PPP2R5E: variants seen among roughly 807,000 people sequenced by gnomAD.
PPP2R5E encodes protein phosphatase 2 regulatory subunit B'epsilon, also known as serine/threonine-protein phosphatase 2A 56 kDa regulatory subunit epsilon isoform.
Under a neutral mutation model 65.3 loss-of-function variants are expected in PPP2R5E, and 4 were observed. The ratio of observed to expected loss-of-function variants is 0.06; its 90% CI spans 0.03 to 0.14. PPP2R5E has a LOEUF of 0.14. Among genes scored for constraint, PPP2R5E ranks in the 10% least tolerant of loss-of-function variants. The probability of loss-of-function intolerance (pLI) is 1.00; values close to 1 mark genes in which losing one functional copy is unlikely to be tolerated. For synonymous variants in PPP2R5E, 183 were observed against 187.4 expected, an observed-to-expected ratio of 0.98 and a Z score of 0.19; for missense variants, 274 against 556.1, an observed-to-expected ratio of 0.49 and a Z score of 5.10.
intron 2 of PPP2R5E, among the ~76,000 whole-genome samples, chr14:63,522,704 T>C (rs1307611546): frequency 6.1e-5 from 9 of 148,006 alleles, no homozygotes; most frequent in Non-Finnish European, 1.0e-4. Context: ...GGAGCGTCTC[T>C]GCCCGGCCGC....
At chr14:63,495,663 C>CT (rs563684939) in intron 2 of PPP2R5E, among the ~76,000 whole-genome samples, 2,212 of 150,552 alleles carry the variant, frequency 0.015, 52 homozygotes, top group South Asian at 0.071. Context: ...AATTTCTTTT[C>CT]TTTTTTTTTG....
chr14:63,542,075 C>T (rs1893924905), intron 1 of PPP2R5E, among the ~76,000 whole-genome samples: 1 of 152,296 alleles, frequency 6.6e-6, no homozygotes, highest in East Asian at 1.9e-4. Flanking sequence ...AAATCCTCTT[C>T]CTCCATCACT....
chr14:63,414,369 C>T (rs1192217720), intron 5 of PPP2R5E, among the ~76,000 whole-genome samples: 1 of 152,128 alleles, frequency 6.6e-6, no homozygotes, highest in Non-Finnish European at 1.5e-5. Context: ...ATTCTTCTTA[C>T]CGGCTTACTA....
intron 2 of PPP2R5E, among the ~76,000 whole-genome samples, chr14:63,516,779 G>C (rs546887966): frequency 9.2e-5 from 14 of 152,170 alleles, no homozygotes; most frequent in Non-Finnish European, 1.9e-4. Flanking sequence ...ATCTGTCATA[G>C]AGCAAAGCAG....
chr14:63,458,367 A>G (rs772440939), intron 2 of PPP2R5E, among the ~76,000 whole-genome samples: 3 of 152,196 alleles, frequency 2.0e-5, no homozygotes, highest in Non-Finnish European at 4.4e-5. Flanking sequence ...CATGGATCCA[A>G]TATCACCTCA....
intron 2 of PPP2R5E, among the ~76,000 whole-genome samples, chr14:63,474,540 G>A (rs1007282088): frequency 2.2e-4 from 33 of 151,974 alleles, no homozygotes; most frequent in Admixed American, 1.2e-3. Context: ...GGGCGCAGTG[G>A]TGTGCTCCTA....
intron 2 of PPP2R5E, among the ~76,000 whole-genome samples, chr14:63,498,610 C>T (rs1314126085): frequency 2.0e-5 from 3 of 151,734 alleles, no homozygotes; most frequent in East Asian, 3.9e-4. Context: ...CAGGCTGGAG[C>T]GAGATGGCAC....
At chr14:63,435,646 C>A (rs1887917629) in intron 3 of PPP2R5E, among the ~76,000 whole-genome samples, 1 of 152,166 alleles carries the variant, frequency 6.6e-6, no homozygotes, top group Non-Finnish European at 1.5e-5. Context: ...GCTTAATTTG[C>A]CACACCCTCT....
At chr14:63,469,648 C>G (rs1261501799) in intron 2 of PPP2R5E, among the ~76,000 whole-genome samples, 3 of 152,242 alleles carry the variant, frequency 2.0e-5, no homozygotes, top group Admixed American at 2.0e-4. Flanking sequence ...GAGCCGAGAT[C>G]GTGCCACTGC....
intron 3 of PPP2R5E, among the ~76,000 whole-genome samples, chr14:63,442,764 C>T (rs1472092876): frequency 1.3e-5 from 2 of 152,178 alleles, no homozygotes; most frequent in African/African-American, 2.4e-5. Context: ...GGATTCAGTA[C>T]TATCCACAGT....
At chr14:63,478,990 A>G (rs1890556169) in intron 2 of PPP2R5E, among the ~76,000 whole-genome samples, 1 of 152,052 alleles carries the variant, frequency 6.6e-6, no homozygotes, top group Non-Finnish European at 1.5e-5. Context: ...TTAGCCAGGT[A>G]TGGTGGTGGA....
intron 5 of PPP2R5E, among the ~76,000 whole-genome samples, chr14:63,412,353 C>T (rs927808500): frequency 6.6e-6 from 1 of 152,214 alleles, no homozygotes; most frequent in African/African-American, 2.4e-5. Context: ...AGAAGCTTAA[C>T]ATAAGTTGGC....
At chr14:63,541,427 C>G (rs1393142087) in intron 1 of PPP2R5E, among the ~76,000 whole-genome samples, 1 of 152,180 alleles carries the variant, frequency 6.6e-6, no homozygotes, top group Non-Finnish European at 1.5e-5. Context: ...CTGAATAGCA[C>G]TTTTGAATTG....
intron 3 of PPP2R5E, 22 bp downstream of exon 3, chr14:63,453,667 G>A (rs767008094): frequency 1.5e-5 from 24 of 1,606,922 alleles, no homozygotes; most frequent in South Asian, 2.2e-5. Context: ...AAAAGTGTCC[G>A]CGGAGAAAAA....
At chr14:63,416,100 C>CA (rs1886669903) in intron 4 of PPP2R5E, among the ~76,000 whole-genome samples, 3 of 152,188 alleles carry the variant, frequency 2.0e-5, no homozygotes, top group Non-Finnish European at 4.4e-5. Flanking sequence ...ATTCTCTTTG[C>CA]ATAATAAGCC....
intron 2 of PPP2R5E, among the ~76,000 whole-genome samples, chr14:63,534,683 A>G (rs1893595054): frequency 6.6e-6 from 1 of 152,150 alleles, no homozygotes. Flanking sequence ...ACAGTGGAAC[A>G]ATCACAGCTC....
chr14:63,413,697 A>T (rs1187424804), intron 5 of PPP2R5E, among the ~76,000 whole-genome samples: 1 of 152,114 alleles, frequency 6.6e-6, no homozygotes, highest in African/African-American at 2.4e-5. Context: ...TCTACTATGT[A>T]TCACTTACAT....
chr14:63,484,347 T>TCA (rs199749451), intron 2 of PPP2R5E, among the ~76,000 whole-genome samples: 9,204 of 139,580 alleles, frequency 0.066, 309 homozygotes, highest in Middle Eastern at 0.12. Flanking sequence ...TCTCTCTCTC[T>TCA]CACACACACA....
Position 63,453,712 on chromosome 14 carries a change from T to C in PPP2R5E, c.331A>G (p.Thr111Ala). Residue 111 changes from threonine to alanine, a missense_variant, in exon 3 of 14, where the codon ACT (threonine) becomes GCT (alanine). Around this residue, in one of 6 missense-constraint regions of PPP2R5E, gnomAD observed 51 missense variants for 101.1 expected, o/e 0.50. Transcript: ENST00000337537. Reference sequence around the variant, plus strand: ...ACCATTCTAACTACTTCAGGGTAAGTCTGCTCTGTCAAACAGCCTCTGCTT... The same window carrying C: ...ACCATTCTAACTACTTCAGGGTAAGCCTGCTCTGTCAAACAGCCTCTGCTT... ...TISRGCLTEQTYPEVVRMVSC... is the reference protein window; with the variant it reads ...TISRGCLTEQAYPEVVRMVSC... 6.2e-7 allele frequency: 1 copy of C among 1,613,872 alleles called. No individual in the cohort carries two copies. Among genetic ancestry groups the C allele is most frequent in the Middle Eastern group, 1.7e-4 (1 of 6,058 alleles).
Sources: gnomAD v4.1 joint callset for allele counts (sites outside exome capture counted in the v4.1 genomes callset) on GRCh38, gnomAD v4.1.1 for gene constraint, gnomAD v4.1.1 regional missense constraint, MANE v1.5 for transcripts, NCBI Gene and HGNC (gene_info 2026-07-23, HGNC 2026-07-21) for gene names.